Variants in CDHR5 observed in about 807,000 individuals in gnomAD.
CDHR5 encodes cadherin related family member 5.
CDHR5 carries 82 observed loss-of-function variants against 69.5 expected under a neutral mutation model. The ratio of observed to expected loss-of-function variants is 1.18; its 90% CI spans 0.99 to 1.42. CDHR5 has a LOEUF of 1.42. Among genes scored for constraint, CDHR5 ranks in the 40% most tolerant of loss-of-function variants. The pLI is 0.00. For missense variants in CDHR5, 1,293 were observed against 1,168.9 expected (o/e 1.11, Z -1.55); for synonymous variants, 601 against 510.2 (o/e 1.18, Z -2.40).
At position 617,508 on chromosome 11, in the gene CDHR5, C is replaced by T; in HGVS notation, c.2381G>A (p.Gly794Asp). 1.2e-6 allele frequency: 2 copies of T among 1,612,736 alleles called. No individual in the cohort carries two copies. Among genetic ancestry groups the T allele is most frequent in the Non-Finnish European group, 1.7e-6 (2 of 1,179,850 alleles). The change falls in exon 15 of 15, where the codon GGC becomes GAC. Residue 794 changes from glycine to aspartate, a missense_variant. Gly to Asp is a moderately conservative substitution (Grantham distance 94). Coordinates refer to ENST00000397542, the MANE Select transcript of CDHR5 (RefSeq NM_021924.5). ...PEGGYKAVWF[G>D]EDIGTEADVV... ...GTCTGCCTCCGTCCCGATGTCCTCG[C>T]CAAACCAGACAGCCTTGTACCCGCC...
chr11:624,095 G>A lies in CDHR5; in HGVS notation c.312+118C>T. 3.0e-6 allele frequency: 2 copies of A among 665,708 alleles called. No homozygotes were observed. Among genetic ancestry groups the A allele is most frequent in the Non-Finnish European group, 2.8e-6 (1 of 360,128 alleles). The allele number at this position is 665,708 out of a possible 1,614,324, so 41.2% of individuals were successfully genotyped here. A position where few individuals can be genotyped will look rare whatever the true frequency, so the allele number is the denominator to read the frequency against. On this transcript the variant is annotated intron_variant, in intron 3 of 14. Transcript: ENST00000397542. The surrounding 1 kb of genome is among the most constrained non-coding windows in gnomAD (Gnocchi z 5.3). The stretch of plus-strand genomic sequence containing the variant: ...GAGGAAATGTGGGCATCACCCTCGG[G>A]GGGGTGGAATTTGAAACCACACCCT...
In CDHR5 at chr11:617,623, C is replaced by A; in HGVS notation, c.2266G>T (p.Gly756Cys). 6.3e-7 allele frequency: 1 copy of A among 1,592,934 alleles called. No homozygotes were observed. ...GCTGCGGGGGGCTCAGGGGCACCGC[C>A]TGGGGAGGCAGGGCCGGGGGGTGCG... ...EPAPPGPASP[G>C]GAPEPPAAAR... Residue 756 changes from glycine to cysteine, a missense_variant, in exon 15 of 15, where the codon GGC becomes TGC. Coordinates refer to ENST00000397542, the MANE Select transcript of CDHR5 (RefSeq NM_021924.5).
chr11:617,160 C>T lies in CDHR5; in HGVS notation c.*191G>A. The T allele has an allele frequency of 5.0e-6, 3 of 599,064 alleles. No individual in the cohort carries two copies. In the East Asian group the frequency reaches 8.4e-5, roughly 17 times the overall value. The allele number at this position is 599,064 out of a possible 1,614,324, so 37.1% of individuals were successfully genotyped here. ...GACAGCGTGGCCAGACCCACCGCCT[C>T]ATCTGCACACCTGGGCTCAAGCGCT... On this transcript the variant is annotated 3_prime_UTR_variant, in exon 15 of 15. Transcript: ENST00000397542.
At position 616,960 on chromosome 11, in the gene CDHR5, G is replaced by T; in HGVS notation, c.*391C>A. On this transcript the variant is annotated 3_prime_UTR_variant, in exon 15 of 15. Transcript: ENST00000397542. The stretch of plus-strand genomic sequence containing the variant: ...AATCTCTGTGTAGGGTCGGGAGCGG[G>T]AGGTCTGAGATGAGCCGGGTGCCTG... The T allele has an allele frequency of 4.6e-5, 11 of 237,680 alleles. No individual in the cohort carries two copies. Among genetic ancestry groups the T allele is most frequent in the South Asian group, 8.3e-5 (1 of 12,004 alleles). 14.7% of individuals were successfully genotyped at this position (237,680 alleles called of 1,614,324 possible).
At chr11:618,200 T>G (rs968233090) in intron 13 of CDHR5, 89 bp from the exon 14 acceptor site, 16 of 1,152,818 alleles carry the variant, frequency 1.4e-5, no homozygotes, top group Non-Finnish European at 2.0e-5. Context: ...CTTGGGACAC[T>G]TGGGTTCCAC....
chr11:618,085 A>G lies in CDHR5; in HGVS notation c.1987T>C (p.Phe663Leu), dbSNP rs1269838646. 6.2e-7 allele frequency: 1 copy of G among 1,611,630 alleles called. No homozygotes were observed. The highest frequency in any genetic ancestry group is 8.5e-7 in the Non-Finnish European group (1 of 1,179,308). Residue 663 changes from phenylalanine to leucine, a missense_variant, in exon 14 of 15, where the codon TTC becomes CTC. Phe to Leu is a conservative substitution (Grantham distance 22, BLOSUM62 0). Transcript: ENST00000397542. ...AGGGCCGCCATATCCACCACCGAGA[A>G]GCGCTTGTCCTCCGAGGGGCCGCCA... ...SGGGPSEDKR[F>L]SVVDMAALGG...
rs745671696 is a variant in CDHR5 at position 618,741 on chromosome 11, C to T, written c.1818G>A (p.Glu606=). The change falls in exon 13 of 15, where the codon GAG becomes GAA. Residue 606 remains glutamate, a synonymous_variant. Coordinates refer to ENST00000397542, the MANE Select transcript of CDHR5 (RefSeq NM_021924.5). The part of the protein sequence containing the change: ...TPGGGTAQTP[E]AGTSQPMPPG... ...GGGGCATCGGCTGAGAGGTTCCTGC[C>T]TCTGGGGTCTGTGCTGTGCCCCCAC... The T allele has an allele frequency of 2.4e-5, 38 of 1,605,334 alleles. No homozygotes were observed. Among genetic ancestry groups the T allele is most frequent in the South Asian group, 2.0e-4 (18 of 90,584 alleles).
intron 3 of CDHR5, among the ~76,000 whole-genome samples, chr11:623,264 G>A (rs1163423315): frequency 2.0e-5 from 3 of 152,118 alleles, no homozygotes; most frequent in East Asian, 1.9e-4. Context: ...AGCCGAGATC[G>A]CTCCACTGCA....
chr11:623,074 C>T (rs921943775), intron 3 of CDHR5, among the ~76,000 whole-genome samples: 44 of 151,914 alleles, frequency 2.9e-4, no homozygotes, highest in African/African-American at 1.0e-3. Flanking sequence ...TTTGGGAGGC[C>T]GAGGCGGGCA....
rs776458803 is a variant in CDHR5, at chr11:617,572, C to T, written c.2317G>A (p.Ala773Thr). ...TCCTTGGTCAGGATGGACCTCACCG[C>T]CGTGGGGCTTCCGCCAGCTCGGGCC... ...AAARAGGSPT[A>T]VRSILTKERR... The change falls in exon 15 of 15, where the codon GCG (alanine) becomes ACG (threonine). Residue 773 changes from alanine (A) to threonine (T), a missense_variant. Physicochemically the swap from Ala to Thr is moderately conservative, Grantham distance 58. Transcript: ENST00000397542. The T allele has an allele frequency of 3.5e-5, 56 of 1,611,600 alleles. No individual in the cohort carries two copies. The highest frequency in any genetic ancestry group is 1.6e-4 in the Middle Eastern group (1 of 6,064).
At chr11:622,325 A>C (rs1437897246) in intron 3 of CDHR5, among the ~76,000 whole-genome samples, 1 of 152,196 alleles carries the variant, frequency 6.6e-6, no homozygotes, top group Non-Finnish European at 1.5e-5. Flanking sequence ...TTATAAAGCC[A>C]GGAGGTGGCA....
At chr11:620,989 A>G in intron 7 of CDHR5, 91 bp downstream of exon 7, 2 of 525,180 alleles carry the variant, frequency 3.8e-6, no homozygotes, top group South Asian at 5.3e-5. Context: ...CCTGACCCCG[A>G]CCCCGCCCTT....
chr11:621,431 C>A lies in CDHR5; in HGVS notation c.532G>T (p.Val178Leu), dbSNP rs1361417887. Residue 178 changes from valine to leucine, a missense_variant, in exon 6 of 15, where the codon GTG (valine) becomes TTG (leucine). Val to Leu is a conservative substitution (Grantham distance 32). Transcript: ENST00000397542. The surrounding 1 kb of genome is among the most constrained non-coding windows in gnomAD (Gnocchi z 4.4). Reference protein sequence around the residue: ...TAGASDYFSLVSVNRPALRLD... With the variant: ...TAGASDYFSLLSVNRPALRLD... ...CTCAGGGCGGGACGGTTTACACTCACCAGGGAGAAGTAGTCACTGGCACCC... is the reference window on the plus strand; with the variant it reads ...CTCAGGGCGGGACGGTTTACACTCAACAGGGAGAAGTAGTCACTGGCACCC... 3.7e-6 allele frequency: 6 copies of A among 1,612,674 alleles called. No homozygotes were observed. Among genetic ancestry groups the A allele is most frequent in the Non-Finnish European group, 4.2e-6 (5 of 1,179,912 alleles).
chr11:618,016 G>A lies in CDHR5; in HGVS notation c.2056C>T (p.Leu686Phe), dbSNP rs1821007010. Residue 686 changes from leucine (L) to phenylalanine (F), a missense_variant, in exon 14 of 15, where the codon CTC becomes TTC. Coordinates refer to ENST00000397542, the MANE Select transcript of CDHR5 (RefSeq NM_021924.5). ...TAGTGCTTGTGGACAAGGACGGCGA[G>A]GCCAAGGAGAGCCAGCAGCAGCAGC... ...GALLLLALLG[L>F]AVLVHKHYGP... 6.2e-7 allele frequency: 1 copy of A among 1,612,432 alleles called. No homozygotes were observed. Among genetic ancestry groups the A allele is most frequent in the Non-Finnish European group, 8.5e-7 (1 of 1,179,806 alleles).
chr11:617,528 CCCGCCCTCCGG>C lies in CDHR5; in HGVS notation c.2350_2360del (p.Pro784ValfsTer31), dbSNP rs1857008948. The stretch of plus-strand genomic sequence containing the variant: ...CCTCGCCAAACCAGACAGCCTTGTA[CCCGCCCTCCGG>C]CCGCCGCTCCTTGGTCAGGATGGAC... On this transcript the variant is annotated frameshift_variant, in exon 15 of 15. Coordinates refer to ENST00000397542, the MANE Select transcript of CDHR5 (RefSeq NM_021924.5). LOFTEE classifies it low-confidence loss of function (END_TRUNC). 1 of 1,612,436 alleles carries C rather than the reference CCCGCCCTCCGG, an allele frequency of 6.2e-7. No individual in the cohort carries two copies. Among genetic ancestry groups the C allele is most frequent in the African/African-American group, 1.3e-5 (1 of 74,906 alleles).
At position 618,098 on chromosome 11, in the gene CDHR5, C is replaced by T. The variant is rs368338796; in HGVS notation, c.1974G>A (p.Ser658=). 5.8e-5 allele frequency: 93 copies of T among 1,609,444 alleles called. No homozygotes were observed. Among genetic ancestry groups the T allele is most frequent in the Non-Finnish European group, 7.1e-5 (84 of 1,178,044 alleles). The part of the protein sequence containing the change: ...KSTPSSGGGP[S]EDKRFSVVDM... Reference sequence around the variant, plus strand: ...CCACCACCGAGAAGCGCTTGTCCTCCGAGGGGCCGCCACCTGGCATCGCAG... The same window carrying T: ...CCACCACCGAGAAGCGCTTGTCCTCTGAGGGGCCGCCACCTGGCATCGCAG... The change falls in exon 14 of 15, where the codon TCG becomes TCA. Residue 658 remains serine, a synonymous_variant. Coordinates refer to ENST00000397542, the MANE Select transcript of CDHR5 (RefSeq NM_021924.5).
At position 619,372 on chromosome 11, in the gene CDHR5, C is replaced by A. The variant is rs897410828; in HGVS notation, c.1312G>T (p.Val438Leu). ...FYAEVEAHNT[V>L]TSGTATTVIE... is the part of the protein sequence containing the mutation. ...ACTGTGGTTGCGGTGCCAGAGGTCA[C>A]CGTGTTGTGGGCCTCAACCTGGGGC... The change falls in exon 12 of 15, where the codon GTG becomes TTG. Residue 438 changes from valine to leucine, a missense_variant. Val to Leu is a conservative substitution (Grantham distance 32, BLOSUM62 1). Coordinates refer to ENST00000397542, the MANE Select transcript of CDHR5 (RefSeq NM_021924.5). The A allele has an allele frequency of 1.9e-6, 3 of 1,613,630 alleles. No homozygotes were observed. In the African/African-American group the frequency reaches 4.0e-5, roughly 22 times the overall value.
Position 617,663 on chromosome 11 carries a change from C to A in CDHR5, c.2226G>T (p.Pro742=). Residue 742 remains proline (P), a synonymous_variant, in exon 15 of 15, where the codon CCG becomes CCT. Transcript: ENST00000397542. The part of the protein sequence containing the change: ...PTHDPKPAEA[P]MPAEPAPPGP... ...CGGGGGGTGCGGGCTCTGCGGGCAT[C>A]GGTGCCTCCGCGGGCTTGGGGTCGT... The A allele has an allele frequency of 6.6e-7, 1 of 1,511,792 alleles. No individual in the cohort carries two copies. Among genetic ancestry groups the A allele is most frequent in the Non-Finnish European group, 8.8e-7 (1 of 1,134,506 alleles). The allele number at this position is 1,511,792 out of a possible 1,614,324, so 93.6% of individuals were successfully genotyped here. A position where few individuals can be genotyped will look rare whatever the true frequency, so the allele number is the denominator to read the frequency against.
Position 624,269 on chromosome 11 carries a change from G to A in CDHR5, c.262-6C>T. On this transcript the variant is annotated splice_region_variant and splice_polypyrimidine_tract_variant and intron_variant, in intron 2 of 14. Transcript: ENST00000397542. The surrounding 1 kb of genome is among the most constrained non-coding windows in gnomAD (Gnocchi z 5.3). ...GCCTCAAGCAGTGACTTCTCCTGTGGATGTAGACAGGTCTGCAGTCACCGT... is the reference window on the plus strand; with the variant it reads ...GCCTCAAGCAGTGACTTCTCCTGTGAATGTAGACAGGTCTGCAGTCACCGT... 2 of 767,984 alleles carry A rather than the reference G, an allele frequency of 2.6e-6. No individual in the cohort carries two copies. The highest frequency in any genetic ancestry group is 1.4e-5 in the South Asian group (1 of 72,360). 47.6% of individuals were successfully genotyped at this position (767,984 alleles called of 1,614,324 possible). A position where few individuals can be genotyped will look rare whatever the true frequency, so the allele number is the denominator to read the frequency against.
Sources: gnomAD v4.1 joint callset for allele counts (sites outside exome capture counted in the v4.1 genomes callset) on GRCh38, gnomAD v4.1.1 for gene constraint, Gnocchi (gnomAD v3.1) non-coding constraint, MANE v1.5 for transcripts, NCBI Gene and HGNC (gene_info 2026-07-23, HGNC 2026-07-21) for gene names.